OR52N4: variants seen among roughly 807,000 people sequenced by gnomAD.
OR52N4 encodes the protein olfactory receptor family 52 subfamily N member 4, also known as olfactory receptor 52N4.
In OR52N4, 15 loss-of-function variants were observed where a neutral mutation model predicts 15.0. The observed-to-expected ratio is 1.00, with a 90% confidence interval of 0.67 to 1.54. The LOEUF (loss-of-function observed/expected upper bound fraction) is 1.54, where lower values mean the gene tolerates loss of function less well. OR52N4 is among the 40% of genes most tolerant of loss of function. The pLI, the probability that OR52N4 is intolerant of heterozygous loss-of-function variation, is 0.00. For synonymous variants in OR52N4, 143 were observed against 143.7 expected, an observed-to-expected ratio of 1.00 and a Z score of 0.03; for missense variants, 421 against 394.0, an observed-to-expected ratio of 1.07 and a Z score of -0.58.
At position 5,755,307 on chromosome 11, in the gene OR52N4, G is replaced by T. The variant is rs1415597307; in HGVS notation, c.567G>T (p.Leu189Phe). The part of the protein sequence containing the change: ...TYCDHMSVAK[L>F]SCGNVKVNAI... ...GTGACCACATGTCTGTAGCCAAATTGTCCTGTGGTAATGTCAAGGTCAATG... is the reference window on the plus strand; with the variant it reads ...GTGACCACATGTCTGTAGCCAAATTTTCCTGTGGTAATGTCAAGGTCAATG... Residue 189 changes from leucine to phenylalanine, a missense_variant, in exon 2 of 2, where the codon TTG (leucine) becomes TTT (phenylalanine). Leu to Phe is a conservative substitution (Grantham distance 22). Coordinates refer to ENST00000641350, the MANE Select transcript of OR52N4 (RefSeq NM_001005175.5). 1 of 1,613,968 alleles carries T rather than the reference G, an allele frequency of 6.2e-7. No homozygotes were observed. The highest frequency in any genetic ancestry group is 2.2e-5 in the East Asian group (1 of 44,856).
At chr11:5,736,643 C>CTGTATCTCTCAGCACT in the OR52N4 span, 1 of 1,614,004 alleles carries the variant, frequency 6.2e-7, no homozygotes, top group Non-Finnish European at 8.5e-7. Flanking sequence ...CCTGGCACTA[C>CTGTATCTCTCAGCACT]TGTATCTCTC....
At chr11:5,744,431 G>A in the OR52N4 span, among the ~76,000 whole-genome samples, 1 of 152,158 alleles carries the variant, frequency 6.6e-6, no homozygotes, top group African/African-American at 2.4e-5. Context: ...CAATCTTCCT[G>A]ATGAGAATTG....
chr11:5,748,607 T>G, the OR52N4 span, among the ~76,000 whole-genome samples: 2 of 151,948 alleles, frequency 1.3e-5, no homozygotes, highest in African/African-American at 4.8e-5. Flanking sequence ...GGGGCCATAT[T>G]TGCATAGTTC....
chr11:5,737,923 A>C, the OR52N4 span: 1 of 162,758 alleles, frequency 6.1e-6, no homozygotes, highest in African/African-American at 2.4e-5. Flanking sequence ...AGTCTGCCTA[A>C]ACAAGCATTA....
chr11:5,748,676 G>A, the OR52N4 span, among the ~76,000 whole-genome samples: 1 of 151,890 alleles, frequency 6.6e-6, no homozygotes, highest in Non-Finnish European at 1.5e-5. Flanking sequence ...GAAGTAAAAT[G>A]ATACATTAAT....
chr11:5,755,712 C>T lies in OR52N4; in HGVS notation c.*6C>T. The T allele has an allele frequency of 6.2e-7, 1 of 1,610,256 alleles. No individual in the cohort carries two copies. The highest frequency in any genetic ancestry group is 8.5e-7 in the Non-Finnish European group (1 of 1,177,924). On this transcript the variant is annotated 3_prime_UTR_variant, in exon 2 of 2. Transcript: ENST00000641350. ...CCAAATCCTACAGCATGTGAATGAA[C>T]ACTTGCCAGGAGTGAGAAGAGAAGG...
In OR52N4 at chr11:5,755,386, A is replaced by G. The variant is rs370929236; in HGVS notation, c.646A>G (p.Ile216Val). 6.8e-6 allele frequency: 11 copies of G among 1,613,938 alleles called. No homozygotes were observed. The highest frequency in any genetic ancestry group is 9.3e-6 in the Non-Finnish European group (11 of 1,180,002). The change falls in exon 2 of 2, where the codon ATC (isoleucine) becomes GTC (valine). Residue 216 changes from isoleucine (I) to valine (V), a missense_variant. Transcript: ENST00000641350. ...LLIWGFDILC[I>V]TNSYTMILRA... ...GATTTGGGGCTTTGACATACTGTGT[A>G]TCACCAACTCCTATACCATGATTCT...
the OR52N4 span, among the ~76,000 whole-genome samples, chr11:5,733,955 A>G: frequency 6.6e-6 from 1 of 152,130 alleles, no homozygotes; most frequent in Non-Finnish European, 1.5e-5. Flanking sequence ...TTTTGAGTTA[A>G]TCTGCTTTCT....
Position 5,754,744 on chromosome 11 carries a change from C to T in OR52N4, c.4C>T (p.Leu2=). Residue 2 remains leucine, a synonymous_variant, in exon 2 of 2, where the codon CTA becomes TTA. Coordinates refer to ENST00000641350, the MANE Select transcript of OR52N4 (RefSeq NM_001005175.5). M[L]TLNKTDLIPA... The stretch of plus-strand genomic sequence containing the variant: ...TTCATAACCTACCAGACTTATCATG[C>T]TAACACTGAATAAAACAGACCTAAT... 6.2e-7 allele frequency: 1 copy of T among 1,611,452 alleles called. No homozygotes were observed. Among genetic ancestry groups the T allele is most frequent in the Non-Finnish European group, 8.5e-7 (1 of 1,178,612 alleles).
chr11:5,746,687 A>T, the OR52N4 span, among the ~76,000 whole-genome samples: 4 of 152,158 alleles, frequency 2.6e-5, no homozygotes, highest in Admixed American at 1.3e-4. Context: ...AAACTTATAT[A>T]CTGTGAGCGG....
At chr11:5,752,302 T>G (rs1854207116), upstream of OR52N4, among the ~76,000 whole-genome samples, 1 of 152,202 alleles carries the variant, frequency 6.6e-6, no homozygotes, top group Admixed American at 6.6e-5. Context: ...TTAACCTGTG[T>G]TTTTCTACTA....
chr11:5,754,671 T>TGG, intron 1 of OR52N4, 22 bp from the exon 2 acceptor site: 1 of 1,379,434 alleles, frequency 7.2e-7, no homozygotes, highest in Non-Finnish European at 9.8e-7. Context: ...ATATTTTCTC[T>TGG]TGTTTTTTTT....
chr11:5,748,765 T>A, the OR52N4 span, among the ~76,000 whole-genome samples: 1 of 151,988 alleles, frequency 6.6e-6, no homozygotes, highest in Non-Finnish European at 1.5e-5. Flanking sequence ...ATCTTTCCCA[T>A]AGGGTAGTGG....
At chr11:5,752,391 CT>C (rs1315102229), upstream of OR52N4, among the ~76,000 whole-genome samples, 1 of 152,172 alleles carries the variant, frequency 6.6e-6, no homozygotes, top group Admixed American at 6.5e-5. Flanking sequence ...TGTGACTGTA[CT>C]TCCTATCAGA....
the OR52N4 span, chr11:5,737,031 C>T: frequency 6.2e-7 from 1 of 1,613,910 alleles, no homozygotes; most frequent in South Asian, 1.1e-5. Context: ...CCTGTGCTTG[C>T]AGCACAGCGT....
At chr11:5,730,480 C>G in the OR52N4 span, among the ~76,000 whole-genome samples, 2 of 151,710 alleles carry the variant, frequency 1.3e-5, no homozygotes, top group Admixed American at 6.6e-5. Flanking sequence ...CGTGAGCCAC[C>G]ACGCCCGGCC....
the OR52N4 span, among the ~76,000 whole-genome samples, chr11:5,743,813 C>T: frequency 6.6e-6 from 1 of 152,018 alleles, no homozygotes; most frequent in Non-Finnish European, 1.5e-5. Context: ...TAACATTGTA[C>T]CTCAAGGAAC....
chr11:5,743,820 G>A, the OR52N4 span, among the ~76,000 whole-genome samples: 1 of 151,946 alleles, frequency 6.6e-6, no homozygotes. Flanking sequence ...GTACCTCAAG[G>A]AACCAGACAA....
At chr11:5,734,411 G>C in the OR52N4 span, among the ~76,000 whole-genome samples, 2 of 152,068 alleles carry the variant, frequency 1.3e-5, no homozygotes, top group Non-Finnish European at 2.9e-5. Flanking sequence ...GTCAGAATTA[G>C]AAAATATTAA....
Sources: allele counts gnomAD v4.1 joint callset (sites outside exome capture counted in the v4.1 genomes callset), GRCh38; gene constraint gnomAD v4.1.1; transcripts MANE v1.5; gene names NCBI Gene and HGNC (gene_info 2026-07-23, HGNC 2026-07-21).